GALNT2: variants seen among roughly 807,000 people sequenced by gnomAD.
GALNT2 encodes polypeptide N-acetylgalactosaminyltransferase 2.
Under a neutral mutation model 81.4 loss-of-function variants are expected in GALNT2, and 31 were observed. The observed-to-expected ratio is 0.38, with a 90% CI of 0.29 to 0.51. GALNT2 has a LOEUF of 0.51. Ranked by LOEUF, GALNT2 falls within the 20% of genes least tolerant of loss-of-function variation. The pLI is 0.87. For synonymous variants in GALNT2, 303 were observed against 287.4 expected (o/e 1.05, Z -0.55); for missense variants, 629 against 765.7 (o/e 0.82, Z 2.11).
At chr1:230,272,896 G>T (rs930718024) in intron 14 of GALNT2, among the ~76,000 whole-genome samples, 1 of 152,116 alleles carries the variant, frequency 6.6e-6, no homozygotes, top group African/African-American at 2.4e-5. Flanking sequence ...AGCCTCCCAA[G>T]TAGCTGGGAC....
At chr1:230,278,896 G>A (rs1336711204) in intron 15 of GALNT2, among the ~76,000 whole-genome samples, 4 of 152,192 alleles carry the variant, frequency 2.6e-5, no homozygotes, top group Non-Finnish European at 5.9e-5. Flanking sequence ...GGGAGGATCT[G>A]GCCCTGCATT....
chr1:230,119,308 C>T (rs892548591), intron 1 of GALNT2, among the ~76,000 whole-genome samples: 8 of 152,024 alleles, frequency 5.3e-5, no homozygotes, highest in African/African-American at 1.9e-4. Context: ...GTTTTCCAGC[C>T]TGGATTTTGT....
chr1:230,280,470 T>C lies in GALNT2; in HGVS notation c.*1012T>C, dbSNP rs967801663. 1.8e-4 allele frequency: 30 copies of C among 166,666 alleles called. No homozygotes were observed. Among genetic ancestry groups the C allele is most frequent in the Admixed American group, 1.1e-4 (2 of 18,034 alleles). The allele number at this position is 166,666 out of a possible 1,614,324, so 10.3% of individuals were successfully genotyped here. A position where few individuals can be genotyped will look rare whatever the true frequency, so the allele number is the denominator to read the frequency against. On this transcript the variant is annotated 3_prime_UTR_variant, in exon 16 of 16. Transcript: ENST00000366672. ...GAATATAAGACATACCCCATAGCTC[T>C]GTGTGAGCCAGCAATACCGCTGCCC...
At chr1:230,254,440 G>T (rs552088185) in intron 10 of GALNT2, among the ~76,000 whole-genome samples, 1 of 152,152 alleles carries the variant, frequency 6.6e-6, no homozygotes, top group Non-Finnish European at 1.5e-5. Context: ...TTACTGACTG[G>T]TCCAAGCCTG....
In GALNT2 at chr1:230,193,161, G is replaced by A. The variant is rs753288284; in HGVS notation, c.221-9976G>A. ...CCAGCGGTTGCTCTGTTTTACGTGGGGTAGCTTTAGATTTGTTTAAGCTGT... is the reference window on the plus strand; with the variant it reads ...CCAGCGGTTGCTCTGTTTTACGTGGAGTAGCTTTAGATTTGTTTAAGCTGT... On this transcript the variant is annotated intron_variant, in intron 2 of 15. Transcript: ENST00000366672. The surrounding 1 kb of genome is among the most constrained non-coding windows in gnomAD (Gnocchi z 4.3). 6.6e-6 allele frequency among the ~76,000 whole-genome samples: 1 copy of A among 152,130 alleles called. No homozygotes were observed. The highest frequency in any genetic ancestry group is 1.5e-5 in the Non-Finnish European group (1 of 68,026).
chr1:230,218,241 G>C (rs553657788), intron 3 of GALNT2, among the ~76,000 whole-genome samples: 11 of 152,216 alleles, frequency 7.2e-5, no homozygotes, highest in Non-Finnish European at 1.5e-4. Flanking sequence ...ATGTGAAGAA[G>C]AGAGGGCTGA....
chr1:230,263,284 C>T, intron 13 of GALNT2: 1 of 416,196 alleles, frequency 2.4e-6, no homozygotes, highest in East Asian at 4.7e-5. Context: ...TCTCCATTGG[C>T]AAGGTGATGG....
intron 1 of GALNT2, among the ~76,000 whole-genome samples, chr1:230,089,311 T>C (rs1659990444): frequency 6.6e-6 from 1 of 151,904 alleles, no homozygotes; most frequent in Non-Finnish European, 1.5e-5. Flanking sequence ...CATGCCCGGC[T>C]GTTTTTTGCG....
chr1:230,215,474 T>G (rs1664360487), intron 3 of GALNT2, among the ~76,000 whole-genome samples: 1 of 152,236 alleles, frequency 6.6e-6, no homozygotes, highest in South Asian at 2.1e-4. Context: ...ATCCCGAATT[T>G]CTGGTTGCTT....
At chr1:230,272,249 A>G (rs1224201856) in intron 14 of GALNT2, among the ~76,000 whole-genome samples, 1 of 151,728 alleles carries the variant, frequency 6.6e-6, no homozygotes, top group African/African-American at 2.4e-5. Flanking sequence ...GTTGAATGAC[A>G]GCATCATAGA....
At chr1:230,171,607 C>T (rs915717017) in intron 1 of GALNT2, among the ~76,000 whole-genome samples, 2 of 152,062 alleles carry the variant, frequency 1.3e-5, no homozygotes, top group Non-Finnish European at 2.9e-5. Context: ...TAAAAACAGC[C>T]CATTTATTTT....
chr1:230,235,996 A>G lies in GALNT2; in HGVS notation c.375-18A>G, dbSNP rs376180753. 1 of 1,613,146 alleles carries G rather than the reference A, an allele frequency of 6.2e-7. No individual in the cohort carries two copies. The highest frequency in any genetic ancestry group is 2.2e-5 in the East Asian group (1 of 44,846). The stretch of plus-strand genomic sequence containing the variant: ...TCTGGGGGTCATTGTTCAGAGGACC[A>G]TCTTTCTCTTCCTGCAGGTGTCAGC... On this transcript the variant is annotated intron_variant, in intron 3 of 15. Coordinates refer to ENST00000366672, the MANE Select transcript of GALNT2 (RefSeq NM_004481.5).
intron 6 of GALNT2, among the ~76,000 whole-genome samples, chr1:230,239,531 G>C (rs1439715305): frequency 6.6e-6 from 1 of 152,226 alleles, no homozygotes; most frequent in Admixed American, 6.5e-5. Context: ...GTGGAAGAAA[G>C]ATGTAGGCCG....
At chr1:230,068,909 A>G (rs1659289381) in intron 1 of GALNT2, among the ~76,000 whole-genome samples, 2 of 152,220 alleles carry the variant, frequency 1.3e-5, no homozygotes, top group African/African-American at 4.8e-5. Flanking sequence ...GCAGGCAGCA[A>G]AAGCCGTGCA....
intron 1 of GALNT2, among the ~76,000 whole-genome samples, chr1:230,112,554 A>G (rs1017182434): frequency 2.0e-5 from 3 of 152,262 alleles, no homozygotes; most frequent in Admixed American, 6.5e-5. Flanking sequence ...CTGGCCACAC[A>G]GGCAGTCTGC....
intron 1 of GALNT2, among the ~76,000 whole-genome samples, chr1:230,140,960 T>C (rs1246433671): frequency 6.6e-6 from 1 of 152,236 alleles, no homozygotes; most frequent in Non-Finnish European, 1.5e-5. Flanking sequence ...TATATTCTTA[T>C]TTTCTCTGCT....
At chr1:230,067,225 C>A, upstream of GALNT2, 1 of 1,139,420 alleles carries the variant, frequency 8.8e-7, no homozygotes. Flanking sequence ...CGCCCGCGGC[C>A]GGCCCAGGCA....
intron 1 of GALNT2, chr1:230,091,598 CTG>C (rs747984275): frequency 2.6e-5 from 4 of 152,230 alleles, no homozygotes; most frequent in Admixed American, 6.5e-5. Context: ...GCTCCAGACT[CTG>C]TGCTCTGTTC....
At chr1:230,255,498 G>A (rs955576398) in intron 11 of GALNT2, 154 bp downstream of exon 11, 11 of 986,698 alleles carry the variant, frequency 1.1e-5, no homozygotes, top group Middle Eastern at 2.7e-4. Flanking sequence ...CGCATTCCAC[G>A]GATGCAGGAT....
Sources: gnomAD v4.1 joint callset for allele counts (sites outside exome capture counted in the v4.1 genomes callset) on GRCh38, gnomAD v4.1.1 for gene constraint, Gnocchi (gnomAD v3.1) non-coding constraint, MANE v1.5 for transcripts, NCBI Gene and HGNC (gene_info 2026-07-23, HGNC 2026-07-21) for gene names.